CFAP90: variants seen among roughly 807,000 people sequenced by gnomAD.
The protein encoded by CFAP90 is cilia- and flagella-associated protein 90.
the CFAP90 span, chr5:7,831,901 G>A: frequency 1.3e-3 from 2,161 of 1,614,042 alleles, 1 homozygote; most frequent in African/African-American, 2.6e-3. Flanking sequence ...TGGGGATGTC[G>A]TTCTTCCTGT....
At chr5:7,845,331 C>G in the CFAP90 span, among the ~76,000 whole-genome samples, 1 of 152,160 alleles carries the variant, frequency 6.6e-6, no homozygotes, top group Non-Finnish European at 1.5e-5. Flanking sequence ...AGGTGCTTGG[C>G]TGCACTTGGC....
chr5:7,850,038 A>G, the CFAP90 span, among the ~76,000 whole-genome samples: 2 of 151,928 alleles, frequency 1.3e-5, no homozygotes, highest in African/African-American at 2.4e-5. Context: ...CCTGACACCT[A>G]GTGGCTCCCG....
the CFAP90 span, among the ~76,000 whole-genome samples, chr5:7,838,368 T>C: frequency 6.6e-6 from 1 of 152,210 alleles, no homozygotes; most frequent in South Asian, 2.1e-4. Flanking sequence ...GAAATCTCGA[T>C]ATCTTTAATA....
At chr5:7,831,657 A>C in the CFAP90 span, 2 of 534,480 alleles carry the variant, frequency 3.7e-6, no homozygotes, top group Non-Finnish European at 6.7e-6. Flanking sequence ...GTTGTTGGTC[A>C]GGCTCCTAAC....
At chr5:7,850,973 G>T in the CFAP90 span, 63 of 1,314,552 alleles carry the variant, frequency 4.8e-5, no homozygotes, top group South Asian at 1.5e-3. Context: ...GGCGGCCTGG[G>T]CTTGCCCCGC....
chr5:7,833,595 A>G, the CFAP90 span, among the ~76,000 whole-genome samples: 1 of 152,182 alleles, frequency 6.6e-6, no homozygotes, highest in Admixed American at 6.5e-5. Flanking sequence ...TACAACATAT[A>G]CAAATATACA....
the CFAP90 span, among the ~76,000 whole-genome samples, chr5:7,837,222 C>T: frequency 6.6e-6 from 1 of 152,018 alleles, no homozygotes; most frequent in African/African-American, 2.4e-5. Context: ...CCAACTTTTT[C>T]TGAGTACAAA....
chr5:7,838,489 T>C, the CFAP90 span, among the ~76,000 whole-genome samples: 1 of 152,178 alleles, frequency 6.6e-6, no homozygotes, highest in Non-Finnish European at 1.5e-5. Context: ...AGCCCAAGTA[T>C]ACCACACACA....
At chr5:7,841,284 T>A in the CFAP90 span, among the ~76,000 whole-genome samples, 1 of 152,102 alleles carries the variant, frequency 6.6e-6, no homozygotes, top group Admixed American at 6.5e-5. Context: ...TGAGATACCA[T>A]CTCATTCCAG....
chr5:7,831,911 T>C, the CFAP90 span: 2 of 1,613,976 alleles, frequency 1.2e-6, no homozygotes, highest in African/African-American at 2.7e-5. Context: ...GTTCTTCCTG[T>C]AGAAGTCAGC....
the CFAP90 span, among the ~76,000 whole-genome samples, chr5:7,842,442 C>T: frequency 6.6e-6 from 1 of 151,752 alleles, no homozygotes; most frequent in Non-Finnish European, 1.5e-5. Context: ...CCAGTTTGCC[C>T]CACAAGTAGG....
chr5:7,841,592 T>C, the CFAP90 span, among the ~76,000 whole-genome samples: 1 of 152,126 alleles, frequency 6.6e-6, no homozygotes, highest in Non-Finnish European at 1.5e-5. Flanking sequence ...CCATCAATGA[T>C]AGACTGGATA....
the CFAP90 span, chr5:7,835,488 A>G: frequency 6.4e-7 from 1 of 1,556,552 alleles, no homozygotes; most frequent in African/African-American, 1.4e-5. Context: ...ATAGAGGGAA[A>G]TAATTCCTGT....
the CFAP90 span, among the ~76,000 whole-genome samples, chr5:7,849,735 G>A: frequency 6.6e-6 from 1 of 152,176 alleles, no homozygotes; most frequent in African/African-American, 2.4e-5. Flanking sequence ...GTGTGGCCAG[G>A]ACAGAACAGA....
At chr5:7,834,678 T>C in the CFAP90 span, among the ~76,000 whole-genome samples, 8 of 152,202 alleles carry the variant, frequency 5.3e-5, no homozygotes, top group Admixed American at 3.9e-4. Context: ...TTTTATACTA[T>C]ATTTTTACTG....
the CFAP90 span, among the ~76,000 whole-genome samples, chr5:7,841,214 C>G: frequency 5.3e-5 from 8 of 152,124 alleles, no homozygotes; most frequent in East Asian, 9.6e-4. Flanking sequence ...ATGTGGCCAA[C>G]AAACATGAAA....
At chr5:7,845,732 C>A in the CFAP90 span, among the ~76,000 whole-genome samples, 1 of 152,050 alleles carries the variant, frequency 6.6e-6, no homozygotes, top group East Asian at 1.9e-4. Context: ...ATTTTATGGG[C>A]AAAGCCCACG....
the CFAP90 span, among the ~76,000 whole-genome samples, chr5:7,848,432 G>GT: frequency 6.6e-6 from 1 of 152,164 alleles, no homozygotes; most frequent in Non-Finnish European, 1.5e-5. Context: ...TGCCGTATTT[G>GT]TCAGCTGGGG....
At chr5:7,831,935 G>T in the CFAP90 span, 757 of 1,614,154 alleles carry the variant, frequency 4.7e-4, 3 homozygotes, top group African/African-American at 8.3e-3. Flanking sequence ...CACATGGTTG[G>T]CACGGCCAAA....
Sources: gnomAD v4.1 joint callset for allele counts (sites outside exome capture counted in the v4.1 genomes callset) on GRCh38, gnomAD v4.1.1 for gene constraint, MANE v1.5 for transcripts, NCBI Gene and HGNC (gene_info 2026-07-23, HGNC 2026-07-21) for gene names.